ARHGAP24: variants seen among roughly 807,000 people sequenced by gnomAD.
ARHGAP24 encodes rho GTPase-activating protein 24.
Under a neutral mutation model 76.4 loss-of-function variants are expected in ARHGAP24, and 50 were observed. The ratio of observed to expected loss-of-function variants is 0.65; its 90% confidence interval spans 0.52 to 0.83. ARHGAP24 has a LOEUF of 0.83. Ranked by LOEUF, ARHGAP24 falls within the 40% of genes least tolerant of loss-of-function variation. ARHGAP24 has a pLI of 0.00. For missense variants in ARHGAP24, 930 were observed against 914.2 expected (o/e 1.02, Z -0.22); for synonymous variants, 345 against 323.3 (o/e 1.07, Z -0.72).
chr4:85,654,308 G>T (rs1161127258), intron 2 of ARHGAP24, among the ~76,000 whole-genome samples: 1 of 152,024 alleles, frequency 6.6e-6, no homozygotes. Context: ...CAGTCCATTT[G>T]GATTTGGGTC....
chr4:85,549,796 C>A (rs1726057804), intron 1 of ARHGAP24, among the ~76,000 whole-genome samples: 1 of 152,176 alleles, frequency 6.6e-6, no homozygotes, highest in Non-Finnish European at 1.5e-5. Flanking sequence ...GCATCTCTCG[C>A]TCCCTTCTTT....
At chr4:85,772,380 G>A (rs1379775585) in intron 3 of ARHGAP24, among the ~76,000 whole-genome samples, 2 of 152,200 alleles carry the variant, frequency 1.3e-5, no homozygotes, top group African/African-American at 4.8e-5. Context: ...AAATATGTTA[G>A]AGAAGGAATT....
At chr4:85,578,347 C>G (rs1312411739) in intron 2 of ARHGAP24, among the ~76,000 whole-genome samples, 2 of 152,060 alleles carry the variant, frequency 1.3e-5, no homozygotes. Flanking sequence ...GAAAATCTGT[C>G]GCTGCTGGAG....
chr4:85,861,579 G>A (rs1336662225), intron 3 of ARHGAP24, among the ~76,000 whole-genome samples: 6 of 152,046 alleles, frequency 3.9e-5, no homozygotes, highest in East Asian at 1.9e-4. Context: ...TGTTGCCAAT[G>A]TATACAGTTA....
chr4:85,938,249 A>G (rs1469211909), intron 4 of ARHGAP24, among the ~76,000 whole-genome samples: 1 of 152,136 alleles, frequency 6.6e-6, no homozygotes, highest in Non-Finnish European at 1.5e-5. Context: ...GGTATTCATC[A>G]CCGCCCAGAA....
intron 2 of ARHGAP24, among the ~76,000 whole-genome samples, chr4:85,613,815 T>C (rs1258248097): frequency 6.6e-6 from 1 of 152,172 alleles, no homozygotes; most frequent in Non-Finnish European, 1.5e-5. Flanking sequence ...TTTTCTAGCC[T>C]CCTAGAAAGG....
At chr4:85,831,300 C>A (rs1422395824) in intron 3 of ARHGAP24, among the ~76,000 whole-genome samples, 1 of 152,112 alleles carries the variant, frequency 6.6e-6, no homozygotes. Context: ...ATTACAACTT[C>A]CAAGTATTTC....
At chr4:85,713,779 T>A (rs1724622716) in intron 2 of ARHGAP24, among the ~76,000 whole-genome samples, 1 of 152,164 alleles carries the variant, frequency 6.6e-6, no homozygotes, top group Non-Finnish European at 1.5e-5. Context: ...GAACTTGGAA[T>A]GGAAATTGTT....
At chr4:85,969,727 C>T (rs1305314161) in intron 5 of ARHGAP24, among the ~76,000 whole-genome samples, 2 of 152,066 alleles carry the variant, frequency 1.3e-5, no homozygotes, top group Non-Finnish European at 2.9e-5. Flanking sequence ...ACATGAAATA[C>T]GGTGGTTTGT....
intron 2 of ARHGAP24, among the ~76,000 whole-genome samples, chr4:85,641,772 T>G (rs1721530723): frequency 6.6e-6 from 1 of 151,964 alleles, no homozygotes; most frequent in African/African-American, 2.4e-5. Flanking sequence ...ATGCATAGGG[T>G]GAGGTATGGG....
At chr4:85,656,297 T>C (rs1722167681) in intron 2 of ARHGAP24, among the ~76,000 whole-genome samples, 1 of 152,196 alleles carries the variant, frequency 6.6e-6, no homozygotes, top group African/African-American at 2.4e-5. Context: ...GTAAATGACA[T>C]TTTATGAAAG....
intron 3 of ARHGAP24, among the ~76,000 whole-genome samples, chr4:85,911,169 A>C (rs1402385420): frequency 6.6e-6 from 1 of 152,166 alleles, no homozygotes; most frequent in East Asian, 1.9e-4. Context: ...TCCACAGAGC[A>C]AGAGGCCTGG....
intron 2 of ARHGAP24, among the ~76,000 whole-genome samples, chr4:85,679,595 A>G (rs1290358192): frequency 6.6e-6 from 1 of 152,072 alleles, no homozygotes; most frequent in Non-Finnish European, 1.5e-5. Context: ...CCTCCACATT[A>G]CACATTTTCT....
intron 5 of ARHGAP24, among the ~76,000 whole-genome samples, chr4:85,958,545 A>G (rs1166787649): frequency 6.6e-6 from 1 of 152,230 alleles, no homozygotes; most frequent in African/African-American, 2.4e-5. Flanking sequence ...CCTACTGAAA[A>G]TAAGTAAGAT....
At chr4:85,540,484 C>T (rs1233700026) in intron 1 of ARHGAP24, among the ~76,000 whole-genome samples, 1 of 152,146 alleles carries the variant, frequency 6.6e-6, no homozygotes, top group Non-Finnish European at 1.5e-5. Context: ...TTATAAGCAG[C>T]TATAAGCAGC....
At chr4:85,478,248 C>A (rs1722678841) in intron 1 of ARHGAP24, among the ~76,000 whole-genome samples, 1 of 152,208 alleles carries the variant, frequency 6.6e-6, no homozygotes, top group African/African-American at 2.4e-5. Context: ...AGATCTCTCC[C>A]AGATACAGAA....
chr4:85,699,211 C>G (rs1490645321), intron 2 of ARHGAP24, among the ~76,000 whole-genome samples: 1 of 152,144 alleles, frequency 6.6e-6, no homozygotes, highest in Non-Finnish European at 1.5e-5. Flanking sequence ...GAGACTACAG[C>G]AGTATATGTC....
At chr4:85,940,654 A>G (rs1159344542) in intron 4 of ARHGAP24, among the ~76,000 whole-genome samples, 1 of 152,218 alleles carries the variant, frequency 6.6e-6, no homozygotes, top group Non-Finnish European at 1.5e-5. Flanking sequence ...TCTAAAATCT[A>G]CAAACCAAGC....
intron 3 of ARHGAP24, among the ~76,000 whole-genome samples, chr4:85,784,943 CTATCTATCTA>C (rs1560631928): frequency 1.3e-4 from 20 of 150,966 alleles, no homozygotes; most frequent in African/African-American, 3.4e-4. Flanking sequence ...ATCTATCTAT[CTATCTATCTA>C]TCTATCTCTC....
Sources: allele counts gnomAD v4.1 joint callset (sites outside exome capture counted in the v4.1 genomes callset), GRCh38; gene constraint gnomAD v4.1.1; transcripts MANE v1.5; gene names NCBI Gene and HGNC (gene_info 2026-07-23, HGNC 2026-07-21).